Variants in GYPB observed in about 807,000 individuals in gnomAD.
The protein encoded by GYPB is glycophorin B (MNS blood group), also known as glycophorin-B.
A neutral mutation model predicts 15.3 loss-of-function variants in GYPB; 13 were observed. The ratio of observed to expected loss-of-function variants is 0.85; its 90% CI spans 0.55 to 1.35. The LOEUF is 1.35. Ranked by LOEUF, GYPB falls within the 40% of genes most tolerant of loss-of-function variation. The pLI is 0.00. For missense variants in GYPB, 131 were observed against 108.3 expected (o/e 1.21, Z -0.93); for synonymous variants, 38 against 36.9 (o/e 1.03, Z -0.11).
intron 1 of GYPB, chr4:144,002,610 G>T (rs1382120683): frequency 3.1e-6 from 4 of 1,286,906 alleles, no homozygotes; most frequent in East Asian, 5.6e-5. Flanking sequence ...GAGGGGAATG[G>T]CACCCAAGTG....
intron 1 of GYPB, among the ~76,000 whole-genome samples, chr4:144,010,758 C>G (rs919453349): frequency 4.0e-5 from 6 of 151,370 alleles, no homozygotes; most frequent in Non-Finnish European, 7.3e-5. Flanking sequence ...CTCATGCACA[C>G]CTTTATCCAG....
chr4:144,006,944 T>C (rs1727950622), intron 1 of GYPB, among the ~76,000 whole-genome samples: 1 of 151,022 alleles, frequency 6.6e-6, no homozygotes, highest in African/African-American at 2.5e-5. Context: ...ATGGGAATCT[T>C]GCCTGTGCTA....
At chr4:144,003,696 C>T (rs1318623502) in intron 1 of GYPB, among the ~76,000 whole-genome samples, 2 of 151,460 alleles carry the variant, frequency 1.3e-5, no homozygotes, top group East Asian at 3.8e-4. Context: ...CAATTGTTAA[C>T]ACTCTAGCAA....
At chr4:144,005,116 G>T (rs1727836073) in intron 1 of GYPB, among the ~76,000 whole-genome samples, 1 of 151,932 alleles carries the variant, frequency 6.6e-6, no homozygotes, top group South Asian at 2.1e-4. Context: ...TTTAAGTATT[G>T]CCCTGTTGAA....
chr4:144,008,607 C>G (rs1262250870), intron 1 of GYPB, among the ~76,000 whole-genome samples: 1 of 151,522 alleles, frequency 6.6e-6, no homozygotes, highest in East Asian at 1.9e-4. Flanking sequence ...CATATTTTAC[C>G]TGTGTCCACT....
chr4:144,019,191 A>G, intron 1 of GYPB, 60 bp downstream of exon 1: 2 of 1,607,786 alleles, frequency 1.2e-6, no homozygotes, highest in Non-Finnish European at 8.5e-7. Flanking sequence ...GGTAGTTCAT[A>G]TTTTATTCTA....
chr4:144,003,176 T>C (rs1270545657), intron 1 of GYPB, among the ~76,000 whole-genome samples: 2 of 151,444 alleles, frequency 1.3e-5, no homozygotes, highest in Admixed American at 1.3e-4. Flanking sequence ...TGAACAAAAA[T>C]AATCCATCTC....
chr4:143,995,495 C>T (rs1229145808), downstream of GYPB, among the ~76,000 whole-genome samples: 1 of 151,230 alleles, frequency 6.6e-6, no homozygotes, highest in Non-Finnish European at 1.5e-5. Context: ...CACATTGGGA[C>T]CCCAGGTCCT....
chr4:144,018,751 G>T (rs759213857), intron 1 of GYPB, among the ~76,000 whole-genome samples: 1 of 149,978 alleles, frequency 6.7e-6, no homozygotes, highest in Non-Finnish European at 1.5e-5. Flanking sequence ...CTTCCTATGT[G>T]ACACTTTAGT....
intron 1 of GYPB, among the ~76,000 whole-genome samples, chr4:144,009,818 T>C (rs1728124301): frequency 6.6e-6 from 1 of 150,556 alleles, no homozygotes; most frequent in South Asian, 2.1e-4. Context: ...TTTCACTGTG[T>C]TAGCCAGGAC....
intron 2 of GYPB, among the ~76,000 whole-genome samples, chr4:144,000,637 C>T (rs1369136191): frequency 6.6e-6 from 1 of 151,264 alleles, no homozygotes; most frequent in Non-Finnish European, 1.5e-5. Context: ...CCAGATTACT[C>T]TTATCTCAGC....
intron 1 of GYPB, among the ~76,000 whole-genome samples, chr4:144,013,880 C>A (rs900387480): frequency 6.6e-6 from 1 of 150,754 alleles, no homozygotes; most frequent in Non-Finnish European, 1.5e-5. Context: ...ATGTAACCTG[C>A]ACATTGTGCA....
At chr4:144,008,687 G>A (rs1223555756) in intron 1 of GYPB, among the ~76,000 whole-genome samples, 2 of 151,508 alleles carry the variant, frequency 1.3e-5, no homozygotes, top group African/African-American at 2.5e-5. Flanking sequence ...AGGAAGTTGG[G>A]CTGGATGAAA....
intron 1 of GYPB, among the ~76,000 whole-genome samples, chr4:144,004,432 C>A (rs1379509873): frequency 1.3e-5 from 2 of 151,966 alleles, no homozygotes; most frequent in Non-Finnish European, 2.9e-5. Context: ...CTATAGTTTA[C>A]AAAACAGTGT....
In GYPB at chr4:144,002,088, TA is replaced by T. The variant is rs895960004; in HGVS notation, c.38-806del. On this transcript the variant is annotated intron_variant, in intron 1 of 4. Transcript: ENST00000502664. The stretch of plus-strand genomic sequence containing the variant: ...ATTATTTTTGTAATTAAACACTTTT[TA>T]TTCTTAAATGCAATACATTTCAAAT... Among the ~76,000 whole-genome samples, 11 of 151,230 alleles carry T rather than the reference TA, an allele frequency of 7.3e-5. 1 individual carries two copies. The highest frequency in any genetic ancestry group is 2.7e-4 in the African/African-American group (11 of 40,662).
chr4:144,007,299 G>A (rs1247493942), intron 1 of GYPB, among the ~76,000 whole-genome samples: 2 of 151,816 alleles, frequency 1.3e-5, no homozygotes, highest in Non-Finnish European at 2.9e-5. Context: ...CAGTTAGTGT[G>A]CTAGGTGCCA....
rs751269557 is a variant in GYPB, at chr4:144,019,305, G to A, written c.-18C>T. On this transcript the variant is annotated 5_prime_UTR_variant, in exon 1 of 5. Coordinates refer to ENST00000502664, the MANE Select transcript of GYPB (RefSeq NM_002100.6). ...CCATACATCCTGAGATCATGAGCTG[G>A]TTCCTGAAGTTAGTGCAAAAAAACT... 1.9e-6 allele frequency: 3 copies of A among 1,611,658 alleles called. No individual in the cohort carries two copies. The highest frequency in any genetic ancestry group is 1.4e-5 in the African/African-American group (1 of 73,884).
intron 1 of GYPB, among the ~76,000 whole-genome samples, chr4:144,013,222 C>T (rs1239578064): frequency 2.0e-5 from 3 of 150,940 alleles, no homozygotes; most frequent in Admixed American, 6.6e-5. Context: ...CAATGAGATA[C>T]CATCTCACAC....
Position 144,015,496 on chromosome 4 carries a change from A to G in GYPB, c.37+3755T>C, listed in dbSNP as rs561936371. 3.3e-5 allele frequency among the ~76,000 whole-genome samples: 5 copies of G among 151,620 alleles called. 1 individual carries two copies. Among genetic ancestry groups the G allele is most frequent in the Admixed American group, 3.3e-4 (5 of 15,270 alleles). On this transcript the variant is annotated intron_variant, in intron 1 of 4. Transcript: ENST00000502664. ...TGCAGTTGGTGTCAAAATATAATCT[A>G]TAAAGATAACTTGGGGGAAATTCCC...
Sources: gnomAD v4.1 joint callset for allele counts (sites outside exome capture counted in the v4.1 genomes callset) on GRCh38, gnomAD v4.1.1 for gene constraint, MANE v1.5 for transcripts, NCBI Gene and HGNC (gene_info 2026-07-23, HGNC 2026-07-21) for gene names.